Variants in TJP3 observed in about 807,000 individuals in gnomAD.
TJP3 encodes the protein tight junction protein ZO-3.
A neutral mutation model predicts 104.2 loss-of-function variants in TJP3; 85 were observed. The ratio of observed to expected loss-of-function variants is 0.82; its 90% CI spans 0.68 to 0.98. TJP3 has a LOEUF of 0.98. Among genes scored for constraint, TJP3 ranks in the 50% least tolerant of loss-of-function variants. The pLI is 0.00. For missense variants in TJP3, 1,367 were observed against 1,322.8 expected, an observed-to-expected ratio of 1.03 and a Z score of -0.52; for synonymous variants, 550 against 550.6, an observed-to-expected ratio of 1.00 and a Z score of 0.02.
chr19:3,735,485 C>G, intron 8 of TJP3, 81 bp from the exon 9 acceptor site: 1 of 1,404,652 alleles, frequency 7.1e-7, no homozygotes, highest in East Asian at 2.3e-5. Flanking sequence ...AGGCATGAAC[C>G]ACCGTGCCCG....
rs1211509165 is a variant in TJP3, at chr19:3,738,608, G to T, written c.1338G>T (p.Leu446=). The part of the protein sequence containing the change: ...NLTREEAVQF[L]LGLPPGEEME... The stretch of plus-strand genomic sequence containing the variant: ...CACGGGAGGAGGCAGTGCAGTTCCT[G>T]CTGGGGCTGCCACCAGGCGAGGAGA... Residue 446 remains leucine (L), a synonymous_variant, in exon 12 of 21, where the codon CTG becomes CTT. Coordinates refer to ENST00000541714, the MANE Select transcript of TJP3 (RefSeq NM_001267560.2). The T allele has an allele frequency of 6.2e-7, 1 of 1,613,860 alleles. No individual in the cohort carries two copies. Among genetic ancestry groups the T allele is most frequent in the African/African-American group, 1.3e-5 (1 of 74,950 alleles).
intron 12 of TJP3, 110 bp from the exon 13 acceptor site, chr19:3,738,787 G>C: frequency 1.5e-6 from 2 of 1,312,212 alleles, no homozygotes; most frequent in Admixed American, 3.8e-5. Context: ...CCTCTCCCTG[G>C]CCCCTACAGG....
At chr19:3,717,790 C>A (rs1478112196) in intron 1 of TJP3, among the ~76,000 whole-genome samples, 4 of 151,716 alleles carry the variant, frequency 2.6e-5, no homozygotes, top group African/African-American at 9.7e-5. Context: ...CTGTGTTGCC[C>A]AGGAATGAGA....
chr19:3,722,866 G>GGGGGGC lies in TJP3; in HGVS notation c.-9-5556_-9-5555insGGGCGG, dbSNP rs1458102298. 6.0e-4 allele frequency among the ~76,000 whole-genome samples: 61 copies of GGGGGGC among 101,186 alleles called. 5 individuals carry two copies. The South Asian group carries it at 8.4e-3, about 14-fold the overall frequency. The allele number at this position is 101,186 out of a possible 152,430, so 66.4% of individuals were successfully genotyped here. On this transcript the variant is annotated intron_variant, in intron 1 of 20. Transcript: ENST00000541714. ...CTGGAGATGGGGTGGCGGGGGGGGG[G>GGGGGGC]GGCACAGGGGACGGCGGCCCGGGAG...
chr19:3,710,823 G>A (rs2036426903), intron 1 of TJP3, among the ~76,000 whole-genome samples: 1 of 152,218 alleles, frequency 6.6e-6, no homozygotes, highest in African/African-American at 2.4e-5. Flanking sequence ...GGGAAAGACA[G>A]ACATGAAACA....
chr19:3,731,381 C>T (rs900911877), intron 5 of TJP3, among the ~76,000 whole-genome samples: 2 of 152,204 alleles, frequency 1.3e-5, no homozygotes, highest in African/African-American at 4.8e-5. Flanking sequence ...GCCTGTAATC[C>T]CAGCACTTTG....
Position 3,739,088 on chromosome 19 carries a change from C to G in TJP3, c.1585C>G (p.Arg529Gly), listed in dbSNP as rs774270808. ...CCACTGGCTGGCGGTGCGCATGGGT[C>G]GTGACCTGCGGGAGCAAGAGCGGGG... ...GGHWLAVRMG[R>G]DLREQERGII... is the part of the protein sequence containing the mutation. The change falls in exon 13 of 21, where the codon CGT (arginine) becomes GGT (glycine). Residue 529 changes from arginine (R) to glycine (G), a missense_variant. Coordinates refer to ENST00000541714, the MANE Select transcript of TJP3 (RefSeq NM_001267560.2). 1 of 1,592,862 alleles carries G rather than the reference C, an allele frequency of 6.3e-7. No individual in the cohort carries two copies. The highest frequency in any genetic ancestry group is 8.6e-7 in the Non-Finnish European group (1 of 1,166,980).
At chr19:3,710,955 G>C (rs1389195238) in intron 1 of TJP3, among the ~76,000 whole-genome samples, 1 of 152,046 alleles carries the variant, frequency 6.6e-6, no homozygotes, top group Non-Finnish European at 1.5e-5. Flanking sequence ...CCAGGCTGGA[G>C]TGCGGTGGCG....
At chr19:3,723,175 C>T (rs919850713) in intron 1 of TJP3, among the ~76,000 whole-genome samples, 18 of 152,194 alleles carry the variant, frequency 1.2e-4, no homozygotes, top group Non-Finnish European at 1.9e-4. Context: ...CCATCGGGAG[C>T]GCTCAGACTG....
intron 15 of TJP3, among the ~76,000 whole-genome samples, chr19:3,744,299 A>C (rs1260473240): frequency 6.6e-6 from 1 of 152,280 alleles, no homozygotes; most frequent in East Asian, 1.9e-4. Context: ...GTTTAAGAGA[A>C]ATTTATTGAT....
At chr19:3,744,769 A>C (rs2036864673) in intron 15 of TJP3, among the ~76,000 whole-genome samples, 1 of 151,780 alleles carries the variant, frequency 6.6e-6, no homozygotes, top group Non-Finnish European at 1.5e-5. Flanking sequence ...TCTACTAAAA[A>C]CACAAAAAAT....
Position 3,730,372 on chromosome 19 carries a change from G to A in TJP3, c.279G>A (p.Arg93=), listed in dbSNP as rs1431541346. 2 of 1,541,124 alleles carry A rather than the reference G, an allele frequency of 1.3e-6. No homozygotes were observed. The highest frequency in any genetic ancestry group is 1.3e-5 in the South Asian group (1 of 79,960). ...TCTAACAGACAGTGAAACGTCCCCG[G>A]AGGATCCACCTGCCCGCCACCAAAG... ...KMANITVKRP[R]RIHLPATKAS... is the part of the protein sequence containing the mutation. Residue 93 remains arginine (R), a synonymous_variant, in exon 5 of 21, where the codon CGG becomes CGA. Coordinates refer to ENST00000541714, the MANE Select transcript of TJP3 (RefSeq NM_001267560.2). This position sits in a 1 kb window ranked among gnomAD's most constrained non-coding sequence, Gnocchi z 7.3.
chr19:3,732,698 C>T (rs1391758871), intron 6 of TJP3, among the ~76,000 whole-genome samples: 4 of 151,932 alleles, frequency 2.6e-5, no homozygotes, highest in Non-Finnish European at 4.4e-5. Flanking sequence ...TTAGAAAAGA[C>T]GGGTTTCTCC....
At position 3,747,819 on chromosome 19, in the gene TJP3, T is replaced by C. The variant is rs1316616323; in HGVS notation, c.2348T>C (p.Leu783Pro). ...DQLDGSLEDN[L>P]DLPHHGLADS... ...CTGGATGGCTCCTTGGAGGACAACCTAGACCTCCCTCACCACGGCCTGGCC... is the reference window on the plus strand; with the variant it reads ...CTGGATGGCTCCTTGGAGGACAACCCAGACCTCCCTCACCACGGCCTGGCC... The change falls in exon 19 of 21, where the codon CTA becomes CCA. Residue 783 changes from leucine (L) to proline (P), a missense_variant. Transcript: ENST00000541714. 1 of 1,604,668 alleles carries C rather than the reference T, an allele frequency of 6.2e-7. No homozygotes were observed. Among genetic ancestry groups the C allele is most frequent in the African/African-American group, 1.3e-5 (1 of 74,952 alleles).
intron 13 of TJP3, among the ~76,000 whole-genome samples, 200 bp from the exon 14 acceptor site, chr19:3,740,352 G>A (rs1339226762): frequency 6.6e-6 from 1 of 152,154 alleles, no homozygotes; most frequent in South Asian, 2.1e-4. Flanking sequence ...AGGTTGTAAC[G>A]AGTCCAGCCT....
intron 1 of TJP3, among the ~76,000 whole-genome samples, chr19:3,714,016 C>T (rs977261272): frequency 6.6e-6 from 1 of 150,920 alleles, no homozygotes; most frequent in Non-Finnish European, 1.5e-5. Flanking sequence ...TGAACCACCA[C>T]GCCCGGCCTA....
At chr19:3,748,152 C>T in intron 19 of TJP3, 71 bp downstream of exon 19, 2 of 1,448,316 alleles carry the variant, frequency 1.4e-6, no homozygotes, top group Non-Finnish European at 1.8e-6. Context: ...CAGACACACA[C>T]TGGGAGCCTG....
intron 1 of TJP3, among the ~76,000 whole-genome samples, chr19:3,718,481 G>T (rs1344037939): frequency 6.7e-6 from 1 of 150,042 alleles, no homozygotes; most frequent in South Asian, 2.1e-4. Flanking sequence ...GTGGTGGGGG[G>T]CGGGGTGGAC....
chr19:3,744,360 C>T (rs923037470), intron 15 of TJP3, among the ~76,000 whole-genome samples: 5 of 152,102 alleles, frequency 3.3e-5, no homozygotes, highest in Non-Finnish European at 1.5e-5. Context: ...GAGAAGACTC[C>T]AAATTAACAA....
Sources: allele counts gnomAD v4.1 joint callset (sites outside exome capture counted in the v4.1 genomes callset), GRCh38; gene constraint gnomAD v4.1.1; non-coding constraint Gnocchi (gnomAD v3.1); transcripts MANE v1.5; gene names NCBI Gene and HGNC (gene_info 2026-07-23, HGNC 2026-07-21).